SHE: variants seen among roughly 807,000 people sequenced by gnomAD.
SHE encodes Src homology 2 domain containing E, also known as SH2 domain-containing adapter protein E.
Under a neutral mutation model 49.8 loss-of-function variants are expected in SHE, and 11 were observed. That is an observed-to-expected ratio of 0.22 (90% CI 0.14 to 0.37). The LOEUF (loss-of-function observed/expected upper bound fraction) is 0.37. Among genes scored for constraint, SHE ranks in the 10% least tolerant of loss-of-function variants. The pLI is 1.00. For synonymous variants in SHE, 310 were observed against 278.1 expected (o/e 1.11, Z -1.14); for missense variants, 624 against 655.5 (o/e 0.95, Z 0.52).
rs1268020285 is a variant in SHE at position 154,502,115 on chromosome 1, G to A, written c.-89C>T. 2 of 1,086,766 alleles carry A rather than the reference G, an allele frequency of 1.8e-6. No individual in the cohort carries two copies. Among genetic ancestry groups the A allele is most frequent in the Non-Finnish European group, 2.3e-6 (2 of 863,208 alleles). 67.3% of individuals were successfully genotyped at this position (1,086,766 alleles called of 1,614,324 possible). On this transcript the variant is annotated 5_prime_UTR_variant, in exon 1 of 6. Transcript: ENST00000304760. ...GGCCGGCCGTCGCCCACGCCCGGCA[G>A]GGTGGGGTTCTCACGGCTCGGGGCG... is the stretch of plus-strand genomic sequence containing the variant.
In SHE at chr1:154,485,868, G is replaced by GT. The variant is rs200991404; in HGVS notation, c.1301+74dup. ...CCCCTGTGAAACACCTTCACAGTAT[G>GT]TTTTTTTTGACTAGAAGACTGTCAC... On this transcript the variant is annotated intron_variant, in intron 5 of 5. Transcript: ENST00000304760. 438 of 1,550,214 alleles carry GT rather than the reference G, an allele frequency of 2.8e-4. 2 individuals carry two copies. In the African/African-American group the frequency reaches 4.0e-3, roughly 14 times the overall value.
rs1426523268 is a variant in SHE, at chr1:154,482,763, T to TA, written c.*1385dup. Reference sequence around the variant, plus strand: ...ATAAAGATCCTAATACTATGAATCTTAAGTAATGGTATTTAAGAGAAAACC... The same window carrying TA: ...ATAAAGATCCTAATACTATGAATCTTAAAGTAATGGTATTTAAGAGAAAACC... On this transcript the variant is annotated 3_prime_UTR_variant, in exon 6 of 6. Transcript: ENST00000304760. 2.0e-6 allele frequency: 2 copies of TA among 985,280 alleles called. No individual in the cohort carries two copies. The highest frequency in any genetic ancestry group is 2.4e-6 in the Non-Finnish European group (2 of 829,786). The allele number at this position is 985,280 out of a possible 1,614,324, so 61.0% of individuals were successfully genotyped here. A position where few individuals can be genotyped will look rare whatever the true frequency, so the allele number is the denominator to read the frequency against.
chr1:154,496,758 A>C (rs1692544498), intron 2 of SHE, among the ~76,000 whole-genome samples: 1 of 152,126 alleles, frequency 6.6e-6, no homozygotes, highest in Non-Finnish European at 1.5e-5. Context: ...ACATGAAAAA[A>C]AAAACAAAAA....
intron 2 of SHE, 152 bp downstream of exon 2, chr1:154,498,960 C>T: frequency 1.1e-6 from 1 of 931,028 alleles, no homozygotes; most frequent in Non-Finnish European, 1.6e-6. Flanking sequence ...AATAGTCCGA[C>T]ATTAGTTTGG....
rs974387729 is a variant in SHE, at chr1:154,489,415, A to G, written c.719-59T>C. 8 of 1,560,190 alleles carry G rather than the reference A, an allele frequency of 5.1e-6. No individual in the cohort carries two copies. In the African/African-American group the frequency reaches 8.2e-5, roughly 16 times the overall value. On this transcript the variant is annotated intron_variant, in intron 2 of 5. Transcript: ENST00000304760. ...ACCATACACAATGTCTTGAAAGCAA[A>G]GATGCCATAAAAGCCTGGTCATTAA...
rs976103056 is a variant in SHE at position 154,491,790 on chromosome 1, C to T, written c.719-2434G>A. 4.6e-5 allele frequency among the ~76,000 whole-genome samples: 7 copies of T among 152,054 alleles called. No homozygotes were observed. The South Asian group carries it at 6.2e-4, about 14-fold the overall frequency. On this transcript the variant is annotated intron_variant, in intron 2 of 5. Transcript: ENST00000304760. Reference sequence around the variant, plus strand: ...TACGTCAAGGGGTTAACAAATGGATCGTTGTGAATACTGTGAGAATGAAAG... The same window carrying T: ...TACGTCAAGGGGTTAACAAATGGATTGTTGTGAATACTGTGAGAATGAAAG...
rs1386469670 is a variant in SHE, at chr1:154,486,527, G to A, written c.1181C>T (p.Pro394Leu). The A allele has an allele frequency of 9.3e-6, 15 of 1,613,914 alleles. No individual in the cohort carries two copies. The highest frequency in any genetic ancestry group is 3.3e-5 in the South Asian group (3 of 91,056). The change falls in exon 4 of 6, where the codon CCC (proline) becomes CTC (leucine). Residue 394 changes from proline (P) to leucine (L), a missense_variant and splice_region_variant. Physicochemically the swap from Pro to Leu is moderately conservative, Grantham distance 98 (BLOSUM62 -3). Transcript: ENST00000304760. ...VDPGLPLEKQ[P>L]WYHGAISRAE... Reference sequence around the variant, plus strand: ...ACAAGGATCTGAGGAGGAGACTCACGGCTGCTTCTCCAGGGGCAGGCCCGG... The same window carrying A: ...ACAAGGATCTGAGGAGGAGACTCACAGCTGCTTCTCCAGGGGCAGGCCCGG...
intron 4 of SHE, 105 bp downstream of exon 4, chr1:154,486,422 T>A: frequency 6.8e-7 from 1 of 1,460,862 alleles, no homozygotes; most frequent in Non-Finnish European, 9.2e-7. Context: ...CAGGCAAGTG[T>A]TCATTAACAA....
chr1:154,483,014 A>G lies in SHE; in HGVS notation c.*1135T>C, dbSNP rs185944270. On this transcript the variant is annotated 3_prime_UTR_variant, in exon 6 of 6. Coordinates refer to ENST00000304760, the MANE Select transcript of SHE (RefSeq NM_001010846.3). ...ATGAAACAAAAGACATCGAAGTTCT[A>G]TGTAATTAATTCAGTAAAAAAACAG... The G allele has an allele frequency of 1.0e-3, 1,003 of 984,644 alleles. 2 individuals carry two copies. The highest frequency in any genetic ancestry group is 1.1e-3 in the Non-Finnish European group (912 of 829,214). The allele number at this position is 984,644 out of a possible 1,614,324, so 61.0% of individuals were successfully genotyped here.
At chr1:154,486,228 G>A (rs1692177658) in intron 4 of SHE, among the ~76,000 whole-genome samples, 166 bp from the exon 5 acceptor site, 1 of 152,178 alleles carries the variant, frequency 6.6e-6, no homozygotes, top group Admixed American at 6.5e-5. Flanking sequence ...GCAGATCTGG[G>A]TGATCCCAGA....
At position 154,472,646 on chromosome 1, in the gene SHE, G is replaced by C. The variant is rs538223143; in HGVS notation, c.103-2284C>G. 1.8e-4 allele frequency among the ~76,000 whole-genome samples: 28 copies of C among 152,330 alleles called. No homozygotes were observed. In the South Asian group the frequency reaches 5.4e-3, roughly 29 times the overall value. On this transcript the variant is annotated intron_variant, in intron 1 of 1. Coordinates refer to the SHE transcript ENST00000486773. ...TTGACCCGGGCAATCACAGTAGCAT[G>C]AGTGTAAGTTACACAGGTGATGCTG...
In SHE at chr1:154,501,976, G is replaced by A; in HGVS notation, c.51C>T (p.Ser17=). Residue 17 remains serine, a synonymous_variant, in exon 1 of 6, where the codon TCC becomes TCT. Coordinates refer to ENST00000304760, the MANE Select transcript of SHE (RefSeq NM_001010846.3). ...PGASACLGWA[S]SLACSTAPTL... ...TCGGGGCCGTGGAGCAGGCGAGCGA[G>A]GAAGCCCAGCCCAGACACGCAGAGG... is the stretch of plus-strand genomic sequence containing the variant. The A allele has an allele frequency of 7.0e-7, 1 of 1,420,874 alleles. No individual in the cohort carries two copies. The allele number at this position is 1,420,874 out of a possible 1,614,324, so 88.0% of individuals were successfully genotyped here.
rs924153402 is a variant in SHE, at chr1:154,482,303, C to T, written c.*1846G>A. ...TGTTGGGATTACGTGCATGAGCCAC[C>T]GCACCCAGCCTACATTCTTTATTAA... On this transcript the variant is annotated 3_prime_UTR_variant, in exon 6 of 6. Coordinates refer to ENST00000304760, the MANE Select transcript of SHE (RefSeq NM_001010846.3). The T allele has an allele frequency of 1.2e-5, 12 of 984,782 alleles. No homozygotes were observed. The highest frequency in any genetic ancestry group is 2.3e-4 in the East Asian group (2 of 8,810). The allele number at this position is 984,782 out of a possible 1,614,324, so 61.0% of individuals were successfully genotyped here.
chr1:154,478,568 C>T (rs1691941898), downstream of SHE, among the ~76,000 whole-genome samples: 1 of 152,130 alleles, frequency 6.6e-6, no homozygotes, highest in African/African-American at 2.4e-5. Context: ...AGGTTCCCAC[C>T]TGGCTGAGTT....
chr1:154,476,444 A>G (rs573772902), downstream of SHE, among the ~76,000 whole-genome samples: 1 of 152,282 alleles, frequency 6.6e-6, no homozygotes, highest in Admixed American at 6.5e-5. Context: ...GGCGTTTGAG[A>G]TCAGCCTGGC....
intron 1 of SHE, among the ~76,000 whole-genome samples, chr1:154,472,425 G>A (rs1285692467): frequency 1.3e-5 from 2 of 152,216 alleles, no homozygotes; most frequent in East Asian, 3.8e-4. Context: ...ATAGGTCTGA[G>A]CTGGGCCCCT....
chr1:154,502,202 G>A lies in SHE; in HGVS notation c.-176C>T. ...GCAGGCGACAGGCACGACGCGCGGG[G>A]GGCCCCGCCCGGGCTCGTCTTCAAC... is the stretch of plus-strand genomic sequence containing the variant. On this transcript the variant is annotated 5_prime_UTR_variant, in exon 1 of 6. Transcript: ENST00000304760. 3 of 369,410 alleles carry A rather than the reference G, an allele frequency of 8.1e-6. No individual in the cohort carries two copies. Among genetic ancestry groups the A allele is most frequent in the Non-Finnish European group, 1.3e-5 (3 of 236,070 alleles). 22.9% of individuals were successfully genotyped at this position (369,410 alleles called of 1,614,324 possible). A position where few individuals can be genotyped will look rare whatever the true frequency, so the allele number is the denominator to read the frequency against.
chr1:154,500,334 G>A (rs1265029360), intron 1 of SHE, among the ~76,000 whole-genome samples: 4 of 152,204 alleles, frequency 2.6e-5, no homozygotes, highest in Admixed American at 2.6e-4. Flanking sequence ...AATAACATAT[G>A]AGCTGGGTCC....
intron 2 of SHE, among the ~76,000 whole-genome samples, chr1:154,491,045 G>C (rs1308312920): frequency 6.6e-6 from 1 of 152,208 alleles, no homozygotes; most frequent in Non-Finnish European, 1.5e-5. Context: ...CAGAGTTAGA[G>C]ATGGCTGGAG....
Sources: allele counts gnomAD v4.1 joint callset (sites outside exome capture counted in the v4.1 genomes callset), GRCh38; gene constraint gnomAD v4.1.1; transcripts MANE v1.5; gene names NCBI Gene and HGNC (gene_info 2026-07-23, HGNC 2026-07-21).